The following FSD1L variants were observed in gnomAD, a reference collection of about 807,000 sequenced individuals.
The protein encoded by FSD1L is fibronectin type III and SPRY domain containing 1 like.
Under a neutral mutation model 71.6 loss-of-function variants are expected in FSD1L, and 45 were observed. The observed-to-expected ratio is 0.63, with a 90% confidence interval of 0.49 to 0.81. The LOEUF (loss-of-function observed/expected upper bound fraction) is 0.81. FSD1L is among the 30% of genes least tolerant of loss of function. FSD1L has a pLI of 0.00. For missense variants in FSD1L, 561 were observed against 618.1 expected (o/e 0.91, Z 0.98); for synonymous variants, 197 against 207.2 (o/e 0.95, Z 0.42).
intron 7 of FSD1L, among the ~76,000 whole-genome samples, chr9:105,488,819 GTTTT>G (rs58736638): frequency 7.5e-6 from 1 of 133,670 alleles, no homozygotes; most frequent in African/African-American, 2.7e-5. Context: ...TTTACATTGG[GTTTT>G]TTTTTTTTTT....
intron 1 of FSD1L, among the ~76,000 whole-genome samples, chr9:105,450,873 G>C (rs2131558419): frequency 6.6e-6 from 1 of 152,242 alleles, no homozygotes; most frequent in East Asian, 1.9e-4. Context: ...ACAGTGCCTA[G>C]CATACAAAAA....
chr9:105,521,274 G>C, intron 10 of FSD1L: 1 of 1,614,216 alleles, frequency 6.2e-7, no homozygotes, highest in East Asian at 2.2e-5. Context: ...GAGAGCAGCT[G>C]CTAGTTTAGT....
At chr9:105,464,808 C>CA (rs920899931) in intron 3 of FSD1L, among the ~76,000 whole-genome samples, 82 of 139,074 alleles carry the variant, frequency 5.9e-4, no homozygotes, top group East Asian at 1.2e-3. Context: ...CCGTCTCTAC[C>CA]AAAAAAAAAA....
intron 1 of FSD1L, among the ~76,000 whole-genome samples, chr9:105,448,592 C>T (rs1829780152): frequency 6.7e-6 from 1 of 149,030 alleles, no homozygotes; most frequent in Admixed American, 6.7e-5. Flanking sequence ...GTGTATCCCT[C>T]CTCAGCAGGT....
At chr9:105,476,392 A>G (rs1200621413) in intron 5 of FSD1L, among the ~76,000 whole-genome samples, 1 of 152,178 alleles carries the variant, frequency 6.6e-6, no homozygotes, top group African/African-American at 2.4e-5. Context: ...CCTGAGACCA[A>G]ACTTCCTTAA....
intron 1 of FSD1L, among the ~76,000 whole-genome samples, chr9:105,452,983 C>T (rs569880403): frequency 4.6e-5 from 7 of 151,266 alleles, no homozygotes; most frequent in East Asian, 3.9e-4. Flanking sequence ...ACGATTGACC[C>T]GCCTTGGCCT....
chr9:105,519,954 G>C (rs191856504), intron 10 of FSD1L, among the ~76,000 whole-genome samples: 2,001 of 152,352 alleles, frequency 0.013, 15 homozygotes, highest in Middle Eastern at 0.024. Flanking sequence ...CGCGAGGCGG[G>C]TGGAGGTGGC....
chr9:105,519,890 G>T (rs539750793), intron 10 of FSD1L, among the ~76,000 whole-genome samples: 1 of 152,200 alleles, frequency 6.6e-6, no homozygotes, highest in Non-Finnish European at 1.5e-5. Context: ...GTGCAGGGCC[G>T]GGAGAGGGAT....
At chr9:105,530,011 T>G (rs1835791636) in intron 10 of FSD1L, among the ~76,000 whole-genome samples, 1 of 152,186 alleles carries the variant, frequency 6.6e-6, no homozygotes, top group African/African-American at 2.4e-5. Context: ...GACTGGTATA[T>G]TTAGCTATAT....
Position 105,493,297 on chromosome 9 carries a change from GT to G in FSD1L, c.586+8799del, listed in dbSNP as rs770697025. Among the ~76,000 whole-genome samples the G allele has an allele frequency of 6.3e-3, 956 of 152,170 alleles. 4 individuals are homozygous for G. Among genetic ancestry groups the G allele is most frequent in the Non-Finnish European group, 0.011 (761 of 68,024 alleles). Reference sequence around the variant, plus strand: ...TTTGATCTTTGTTGGTTTAAAGTCTGTTTTATCAGAAACTAGGATTGCAACC... The same window carrying G: ...TTTGATCTTTGTTGGTTTAAAGTCTGTTTATCAGAAACTAGGATTGCAACC... On this transcript the variant is annotated intron_variant, in intron 7 of 13. Transcript: ENST00000481272.
intron 10 of FSD1L, among the ~76,000 whole-genome samples, chr9:105,534,064 A>G (rs1836106244): frequency 1.3e-5 from 2 of 152,312 alleles, no homozygotes; most frequent in Admixed American, 1.3e-4. Flanking sequence ...CAGAGCAAAA[A>G]TACTCACTGC....
At chr9:105,539,610 G>T (rs1836479180) in intron 13 of FSD1L, among the ~76,000 whole-genome samples, 1 of 152,016 alleles carries the variant, frequency 6.6e-6, no homozygotes, top group African/African-American at 2.4e-5. Flanking sequence ...CTGCACTCAT[G>T]TGTAACTAGC....
chr9:105,443,702 T>C (rs1457753892), upstream of FSD1L, among the ~76,000 whole-genome samples: 1 of 151,974 alleles, frequency 6.6e-6, no homozygotes, highest in Non-Finnish European at 1.5e-5. Flanking sequence ...GAGGCCAAGG[T>C]GGGAGGACTG....
chr9:105,462,051 G>A (rs562526374), intron 2 of FSD1L, among the ~76,000 whole-genome samples: 2 of 151,932 alleles, frequency 1.3e-5, no homozygotes, highest in Admixed American at 6.6e-5. Flanking sequence ...TTTTTGCTAT[G>A]TAATTTCTGA....
chr9:105,462,851 A>C (rs1830802732), intron 2 of FSD1L, among the ~76,000 whole-genome samples: 1 of 149,278 alleles, frequency 6.7e-6, no homozygotes, highest in Non-Finnish European at 1.5e-5. Context: ...ATTTGTATAA[A>C]ATGTTGCCAG....
At chr9:105,521,536 C>A (rs539546370) in intron 10 of FSD1L, 1 of 1,613,762 alleles carries the variant, frequency 6.2e-7, no homozygotes, top group East Asian at 2.2e-5. Flanking sequence ...GAAGCAGCAG[C>A]TATGAGAAAA....
chr9:105,533,770 T>C (rs988229100), intron 10 of FSD1L, among the ~76,000 whole-genome samples: 2 of 150,454 alleles, frequency 1.3e-5, no homozygotes, highest in Admixed American at 6.6e-5. Context: ...TTGCCTAGGC[T>C]GGAGTGCAAT....
At chr9:105,447,728 T>C (rs560721796), upstream of FSD1L, 1 of 190,244 alleles carries the variant, frequency 5.3e-6, no homozygotes, top group African/African-American at 2.4e-5. Context: ...CGAAGGATAG[T>C]GTGGGGAGGG....
chr9:105,542,540 A>G (rs577330099), intron 13 of FSD1L, among the ~76,000 whole-genome samples: 3 of 152,224 alleles, frequency 2.0e-5, no homozygotes, highest in African/African-American at 7.2e-5. Flanking sequence ...TGCAGTCACA[A>G]CTGCCTGGGC....
Sources: allele counts gnomAD v4.1 joint callset (sites outside exome capture counted in the v4.1 genomes callset), GRCh38; gene constraint gnomAD v4.1.1; transcripts MANE v1.5; gene names NCBI Gene and HGNC (gene_info 2026-07-23, HGNC 2026-07-21).